AKAP8L: variants seen among roughly 807,000 people sequenced by gnomAD.
The protein encoded by AKAP8L is A-kinase anchor protein 8-like.
Under a neutral mutation model 77.5 loss-of-function variants are expected in AKAP8L, and 34 were observed. That is an observed-to-expected ratio of 0.44 (90% CI 0.33 to 0.58). The LOEUF is 0.58. Among genes scored for constraint, AKAP8L ranks in the 20% least tolerant of loss-of-function variants. The probability of loss-of-function intolerance (pLI) is 0.02; values close to 1 mark genes in which losing one functional copy is unlikely to be tolerated. For synonymous variants in AKAP8L, 342 were observed against 340.7 expected (o/e 1.00, Z -0.04); for missense variants, 806 against 887.6 (o/e 0.91, Z 1.17).
rs867063623 is a variant in AKAP8L at position 15,398,563 on chromosome 19, G to A, written c.1158-708C>T. On this transcript the variant is annotated intron_variant, in intron 9 of 13. Transcript: ENST00000397410. The surrounding 1 kb of genome is among the most constrained non-coding windows in gnomAD (Gnocchi z 9.2). ...AGCCCGGGGTCTGGGGCCTGGGCCG[G>A]AGCAGGCCGCCGTGGCAAGGGGCGG... 3 of 986,748 alleles carry A rather than the reference G, an allele frequency of 3.0e-6. No individual in the cohort carries two copies. Among genetic ancestry groups the A allele is most frequent in the East Asian group, 1.1e-4 (1 of 8,844 alleles). The allele number at this position is 986,748 out of a possible 1,614,324, so 61.1% of individuals were successfully genotyped here. A position where few individuals can be genotyped will look rare whatever the true frequency, so the allele number is the denominator to read the frequency against.
rs1215921708 is a variant in AKAP8L, at chr19:15,398,712, G to C, written c.1157+590C>G. On this transcript the variant is annotated intron_variant, in intron 9 of 13. Coordinates refer to ENST00000397410, the MANE Select transcript of AKAP8L (RefSeq NM_014371.4). This position sits in a 1 kb window ranked among gnomAD's most constrained non-coding sequence, Gnocchi z 9.2. Reference sequence around the variant, plus strand: ...GCCGGGCGCCGGCGAGGCTGAGGAAGGTCCAGCAAGAGCAAGAGTCTGAGG... The same window carrying C: ...GCCGGGCGCCGGCGAGGCTGAGGAACGTCCAGCAAGAGCAAGAGTCTGAGG... 6 of 988,288 alleles carry C rather than the reference G, an allele frequency of 6.1e-6. No individual in the cohort carries two copies. The highest frequency in any genetic ancestry group is 7.2e-6 in the Non-Finnish European group (6 of 831,966). The allele number at this position is 988,288 out of a possible 1,614,324, so 61.2% of individuals were successfully genotyped here.
At chr19:15,393,851 C>T (rs1016666689) in intron 12 of AKAP8L, among the ~76,000 whole-genome samples, 2 of 150,006 alleles carry the variant, frequency 1.3e-5, no homozygotes, top group East Asian at 2.0e-4. Flanking sequence ...TGTGGTGAGC[C>T]GAGATCGCGC....
At chr19:15,393,664 T>C (rs1967709935) in intron 12 of AKAP8L, among the ~76,000 whole-genome samples, 1 of 152,092 alleles carries the variant, frequency 6.6e-6, no homozygotes, top group Non-Finnish European at 1.5e-5. Context: ...CTCATGCCTG[T>C]AATCCCACCA....
At chr19:15,395,515 A>G (rs557155224) in intron 12 of AKAP8L, among the ~76,000 whole-genome samples, 91 of 150,494 alleles carry the variant, frequency 6.0e-4, no homozygotes, top group African/African-American at 2.2e-3. Flanking sequence ...GCGTTTCACC[A>G]CGTTGGCCAG....
At position 15,397,298 on chromosome 19, in the gene AKAP8L, G is replaced by C; in HGVS notation, c.1406-18C>G. 1 of 1,613,590 alleles carries C rather than the reference G, an allele frequency of 6.2e-7. No individual in the cohort carries two copies. The highest frequency in any genetic ancestry group is 8.5e-7 in the Non-Finnish European group (1 of 1,179,718). On this transcript the variant is annotated intron_variant, in intron 11 of 13. Coordinates refer to ENST00000397410, the MANE Select transcript of AKAP8L (RefSeq NM_014371.4). This position sits in a 1 kb window ranked among gnomAD's most constrained non-coding sequence, Gnocchi z 4.7. ...GGCAATTTCTGTAGTGGGGAGGAGG[G>C]AGTCACCACTGGGCCCAGGTGCCTA...
In AKAP8L at chr19:15,401,138, G is replaced by A. The variant is rs1967888194; in HGVS notation, c.816+12C>T. The A allele has an allele frequency of 6.2e-7, 1 of 1,604,950 alleles. No homozygotes were observed. Among genetic ancestry groups the A allele is most frequent in the African/African-American group, 1.3e-5 (1 of 74,862 alleles). The stretch of plus-strand genomic sequence containing the variant: ...ACTAAGCTTCCCAGAGGGGAAGGCT[G>A]CCTCCACTCACTCGGAAGTCGGCTG... On this transcript the variant is annotated intron_variant, in intron 5 of 13. Coordinates refer to ENST00000397410, the MANE Select transcript of AKAP8L (RefSeq NM_014371.4). The surrounding 1 kb of genome is among the most constrained non-coding windows in gnomAD (Gnocchi z 6.2).
Position 15,385,268 on chromosome 19 carries a change from C to T in AKAP8L, c.1537-4656G>A, listed in dbSNP as rs561164109. ...CTGGGACTACAGGCGTGAGCCACCG[C>T]GCCCGGCCTTTCATGCCATTCTCTT... On this transcript the variant is annotated intron_variant, in intron 12 of 13. Coordinates refer to ENST00000397410, the MANE Select transcript of AKAP8L (RefSeq NM_014371.4). 1.5e-3 allele frequency among the ~76,000 whole-genome samples: 220 copies of T among 151,366 alleles called. 1 individual carries two copies. Among genetic ancestry groups the T allele is most frequent in the African/African-American group, 5.1e-3 (208 of 41,148 alleles).
intron 2 of AKAP8L, among the ~76,000 whole-genome samples, chr19:15,408,654 C>T (rs1478097775): frequency 6.6e-5 from 10 of 151,010 alleles, no homozygotes; most frequent in Non-Finnish European, 1.0e-4. Flanking sequence ...GAGGCCGAGG[C>T]GGGAGGATCA....
Position 15,399,242 on chromosome 19 carries a change from C to T in AKAP8L, c.1157+60G>A. 2 of 1,485,506 alleles carry T rather than the reference C, an allele frequency of 1.3e-6. No homozygotes were observed. The highest frequency in any genetic ancestry group is 1.1e-5 in the South Asian group (1 of 88,338). 92.0% of individuals were successfully genotyped at this position (1,485,506 alleles called of 1,614,324 possible). On this transcript the variant is annotated intron_variant, in intron 9 of 13. Coordinates refer to ENST00000397410, the MANE Select transcript of AKAP8L (RefSeq NM_014371.4). The surrounding 1 kb of genome is among the most constrained non-coding windows in gnomAD (Gnocchi z 6.1). ...GCGAGCTGGCAGAGCTATGGCCCTG[C>T]TCTCCTGGCGGCAGCCCCACAGCGA...
intron 1 of AKAP8L, among the ~76,000 whole-genome samples, chr19:15,417,447 C>A (rs934635613): frequency 2.0e-5 from 3 of 152,082 alleles, no homozygotes; most frequent in African/African-American, 7.2e-5. Flanking sequence ...TTGTGTATAC[C>A]GTAGCAGGGC....
chr19:15,414,417 T>TG (rs1293794919), intron 1 of AKAP8L, among the ~76,000 whole-genome samples: 2 of 152,014 alleles, frequency 1.3e-5, no homozygotes, highest in African/African-American at 2.4e-5. Context: ...TGATTAGCGC[T>TG]GGTTGAAAAA....
intron 12 of AKAP8L, 82 bp from the exon 13 acceptor site, chr19:15,380,694 AC>A: frequency 7.5e-7 from 1 of 1,324,956 alleles, no homozygotes; most frequent in Non-Finnish European, 1.1e-6. Flanking sequence ...GCTTAGAGGG[AC>A]CCCACCCCGC....
chr19:15,397,868 G>A lies in AKAP8L; in HGVS notation c.1158-13C>T. On this transcript the variant is annotated splice_polypyrimidine_tract_variant and intron_variant, in intron 9 of 13. Coordinates refer to ENST00000397410, the MANE Select transcript of AKAP8L (RefSeq NM_014371.4). The surrounding 1 kb of genome is among the most constrained non-coding windows in gnomAD (Gnocchi z 4.7). ...CACAAACTGGATCCTGCCACAGGAAGGAAACGAGGGGCTGAGGCTGCAAGT... is the reference window on the plus strand; with the variant it reads ...CACAAACTGGATCCTGCCACAGGAAAGAAACGAGGGGCTGAGGCTGCAAGT... 2 of 1,612,810 alleles carry A rather than the reference G, an allele frequency of 1.2e-6. No homozygotes were observed. The highest frequency in any genetic ancestry group is 8.5e-7 in the Non-Finnish European group (1 of 1,179,368).
chr19:15,398,790 A>G lies in AKAP8L; in HGVS notation c.1157+512T>C. The stretch of plus-strand genomic sequence containing the variant: ...CCCTGAGGGCAGACAGACCCGACCA[A>G]GGGGCGTGAAGGGCTCAGCCGCAGA... On this transcript the variant is annotated intron_variant, in intron 9 of 13. Coordinates refer to ENST00000397410, the MANE Select transcript of AKAP8L (RefSeq NM_014371.4). This position sits in a 1 kb window ranked among gnomAD's most constrained non-coding sequence, Gnocchi z 9.2. 3.0e-6 allele frequency: 3 copies of G among 997,590 alleles called. No individual in the cohort carries two copies. Among genetic ancestry groups the G allele is most frequent in the Non-Finnish European group, 3.6e-6 (3 of 837,444 alleles). The allele number at this position is 997,590 out of a possible 1,614,324, so 61.8% of individuals were successfully genotyped here. A position where few individuals can be genotyped will look rare whatever the true frequency, so the allele number is the denominator to read the frequency against.
intron 2 of AKAP8L, among the ~76,000 whole-genome samples, chr19:15,407,252 T>A (rs1469976131): frequency 6.6e-6 from 1 of 152,084 alleles, no homozygotes; most frequent in Non-Finnish European, 1.5e-5. Context: ...TGAGATCATA[T>A]CTTAAAAAAA....
intron 12 of AKAP8L, among the ~76,000 whole-genome samples, chr19:15,391,862 G>C (rs909100680): frequency 6.6e-5 from 10 of 151,566 alleles, no homozygotes; most frequent in Admixed American, 6.6e-4. Flanking sequence ...TTAGAGACAG[G>C]GTCTTGCTCT....
At position 15,403,800 on chromosome 19, in the gene AKAP8L, G is replaced by T; in HGVS notation, c.122-85C>A. 8.4e-7 allele frequency: 1 copy of T among 1,190,056 alleles called. No individual in the cohort carries two copies. Among genetic ancestry groups the T allele is most frequent in the Non-Finnish European group, 1.2e-6 (1 of 821,730 alleles). 73.7% of individuals were successfully genotyped at this position (1,190,056 alleles called of 1,614,324 possible). ...GAGACAGAGACAAACACAGATACAA[G>T]GGTATCTTCTGTCACAGAGAGAGAA... On this transcript the variant is annotated intron_variant, in intron 3 of 13. Transcript: ENST00000397410. This position sits in a 1 kb window ranked among gnomAD's most constrained non-coding sequence, Gnocchi z 4.3.
intron 1 of AKAP8L, among the ~76,000 whole-genome samples, chr19:15,416,227 A>G (rs958281908): frequency 6.6e-6 from 1 of 152,186 alleles, no homozygotes. Context: ...TTATTATCTG[A>G]GCCAAGAGTA....
At chr19:15,415,057 C>T (rs994057335) in intron 1 of AKAP8L, among the ~76,000 whole-genome samples, 1 of 152,200 alleles carries the variant, frequency 6.6e-6, no homozygotes, top group Non-Finnish European at 1.5e-5. Context: ...AAGCAATCCT[C>T]TCACTTTGAG....
Sources: allele counts gnomAD v4.1 joint callset (sites outside exome capture counted in the v4.1 genomes callset), GRCh38; gene constraint gnomAD v4.1.1; non-coding constraint Gnocchi (gnomAD v3.1); transcripts MANE v1.5; gene names NCBI Gene and HGNC (gene_info 2026-07-23, HGNC 2026-07-21).